Variants in PPARGC1A observed in about 807,000 individuals in gnomAD.
PPARGC1A encodes PPARG coactivator 1 alpha, also known as peroxisome proliferator-activated receptor gamma coactivator 1-alpha.
A neutral mutation model predicts 88.7 loss-of-function variants in PPARGC1A; 25 were observed. The ratio of observed to expected loss-of-function variants is 0.28; its 90% CI spans 0.21 to 0.39. PPARGC1A has a LOEUF of 0.39. Ranked by LOEUF, PPARGC1A falls within the 10% of genes least tolerant of loss-of-function variation. The pLI is 1.00. For missense variants in PPARGC1A, 880 were observed against 968.7 expected, an observed-to-expected ratio of 0.91 and a Z score of 1.22; for synonymous variants, 363 against 355.6, an observed-to-expected ratio of 1.02 and a Z score of -0.24.
At chr4:24,184,891 T>C in the PPARGC1A span, among the ~76,000 whole-genome samples, 1 of 151,986 alleles carries the variant, frequency 6.6e-6, no homozygotes. Flanking sequence ...GAAAATAAAA[T>C]AGACAAAAGA....
At chr4:24,232,117 A>C in the PPARGC1A span, among the ~76,000 whole-genome samples, 124 of 152,160 alleles carry the variant, frequency 8.1e-4, 1 homozygote, top group Non-Finnish European at 1.4e-3. Context: ...ATTACCAGGC[A>C]GTTCGGCATG....
At chr4:24,471,709 A>C in the PPARGC1A span, among the ~76,000 whole-genome samples, 1 of 152,084 alleles carries the variant, frequency 6.6e-6, no homozygotes, top group East Asian at 1.9e-4. The surrounding 1 kb of genome is among the most constrained non-coding windows in gnomAD (Gnocchi z 5.4). Context: ...TGGAGCGTCT[A>C]GGGCACGATG....
upstream of PPARGC1A, among the ~76,000 whole-genome samples, chr4:23,900,481 T>C (rs1174683643): frequency 6.6e-6 from 1 of 152,186 alleles, no homozygotes; most frequent in Non-Finnish European, 1.5e-5. Flanking sequence ...ACATGGCTCA[T>C]GTTAAGGTTA....
the PPARGC1A span, among the ~76,000 whole-genome samples, chr4:24,448,447 T>C: frequency 6.6e-6 from 1 of 152,226 alleles, no homozygotes; most frequent in African/African-American, 2.4e-5. Context: ...CCCATCTTCT[T>C]TGAAGCTGTC....
the PPARGC1A span, among the ~76,000 whole-genome samples, chr4:24,018,078 G>A: frequency 2.0e-5 from 3 of 152,120 alleles, no homozygotes; most frequent in South Asian, 6.2e-4. Context: ...ATCTCCATTT[G>A]TGAAAATAAT....
At chr4:24,059,962 T>C in the PPARGC1A span, among the ~76,000 whole-genome samples, 1 of 152,192 alleles carries the variant, frequency 6.6e-6, no homozygotes, top group African/African-American at 2.4e-5. Context: ...GAGTCGCCTT[T>C]CTGCGTCCCA....
the PPARGC1A span, among the ~76,000 whole-genome samples, chr4:23,965,077 A>G: frequency 6.6e-6 from 1 of 152,290 alleles, no homozygotes; most frequent in East Asian, 1.9e-4. Context: ...TTCTCCCATC[A>G]GTGGGACCAG....
the PPARGC1A span, among the ~76,000 whole-genome samples, chr4:24,292,538 C>A: frequency 7.9e-6 from 1 of 126,782 alleles, no homozygotes; most frequent in African/African-American, 3.1e-5. Context: ...CCCCCCCACC[C>A]CACCCCTTCC....
intron 2 of PPARGC1A, among the ~76,000 whole-genome samples, chr4:23,855,031 G>A (rs1014997934): frequency 7.2e-5 from 11 of 152,064 alleles, no homozygotes; most frequent in East Asian, 3.9e-4. Flanking sequence ...TCGTGGGGGC[G>A]CACTCCCCGA....
chr4:23,932,351 G>A, the PPARGC1A span, among the ~76,000 whole-genome samples: 1 of 152,012 alleles, frequency 6.6e-6, no homozygotes, highest in Admixed American at 6.6e-5. Flanking sequence ...CCTCCAGGGA[G>A]CTAATGCTAT....
chr4:24,429,651 ATTT>A, the PPARGC1A span, among the ~76,000 whole-genome samples: 3 of 132,220 alleles, frequency 2.3e-5, no homozygotes, highest in Non-Finnish European at 4.8e-5. Flanking sequence ...GACAGTGAGA[ATTT>A]TTTTTTTTTT....
the PPARGC1A span, among the ~76,000 whole-genome samples, chr4:24,376,577 C>T: frequency 3.3e-5 from 5 of 152,310 alleles, no homozygotes; most frequent in East Asian, 7.7e-4. Context: ...AAGAGAGTTT[C>T]CCTAACTAGC....
chr4:24,385,141 T>C, the PPARGC1A span, among the ~76,000 whole-genome samples: 2 of 152,028 alleles, frequency 1.3e-5, no homozygotes, highest in African/African-American at 4.8e-5. Flanking sequence ...AAATGACTAC[T>C]GGGGGGTAAA....
the PPARGC1A span, among the ~76,000 whole-genome samples, chr4:24,153,193 C>G: frequency 1.8e-4 from 28 of 152,242 alleles, no homozygotes; most frequent in Admixed American, 1.8e-3. Flanking sequence ...TCTGTTTATA[C>G]AGTTACATGA....
the PPARGC1A span, among the ~76,000 whole-genome samples, chr4:24,032,318 C>T: frequency 6.6e-6 from 1 of 152,154 alleles, no homozygotes; most frequent in Admixed American, 6.5e-5. Flanking sequence ...TGCCCACAGT[C>T]CCAGAGCAGA....
At chr4:24,077,692 T>C in the PPARGC1A span, among the ~76,000 whole-genome samples, 2 of 149,404 alleles carry the variant, frequency 1.3e-5, no homozygotes, top group East Asian at 2.0e-4. Context: ...TATGCTAACA[T>C]TGAGTTGACT....
At chr4:24,206,030 T>G in the PPARGC1A span, among the ~76,000 whole-genome samples, 3 of 152,192 alleles carry the variant, frequency 2.0e-5, no homozygotes, top group Admixed American at 2.0e-4. Context: ...ATATCTCCAT[T>G]CTGTGGGCTG....
chr4:24,451,568 T>TTTG, the PPARGC1A span, among the ~76,000 whole-genome samples: 983 of 152,086 alleles, frequency 6.5e-3, 9 homozygotes, highest in African/African-American at 0.021. Context: ...TGGGTTGTCT[T>TTTG]TTGTTGTTGT....
chr4:24,236,152 T>C, the PPARGC1A span, among the ~76,000 whole-genome samples: 1 of 152,358 alleles, frequency 6.6e-6, no homozygotes, highest in South Asian at 2.1e-4. Context: ...TTTGAAACTT[T>C]TGGCATGTAT....
Sources: allele counts gnomAD v4.1 joint callset (sites outside exome capture counted in the v4.1 genomes callset), GRCh38; gene constraint gnomAD v4.1.1; non-coding constraint Gnocchi (gnomAD v3.1); transcripts MANE v1.5; gene names NCBI Gene and HGNC (gene_info 2026-07-23, HGNC 2026-07-21).